The following SESN1 variants were observed in gnomAD, a reference collection of about 807,000 sequenced individuals.
SESN1 encodes sestrin-1.
SESN1 carries 30 observed loss-of-function variants against 59.3 expected under a neutral mutation model. That is an observed-to-expected ratio of 0.51 (90% CI 0.38 to 0.69). SESN1 has a LOEUF of 0.69. Among genes scored for constraint, SESN1 ranks in the 30% least tolerant of loss-of-function variants. The pLI, the probability that SESN1 is intolerant of heterozygous loss-of-function variation, is 0.00. For synonymous variants in SESN1, 197 were observed against 219.9 expected, an observed-to-expected ratio of 0.90 and a Z score of 0.92; for missense variants, 566 against 673.0, an observed-to-expected ratio of 0.84 and a Z score of 1.76.
chr6:108,988,700 A>G lies in SESN1; in HGVS notation c.1425-13T>C, dbSNP rs1338072565. ...ATAATCATCATATCTGTTGAAAGACATAATGAGAATTATGATATTTTCAGT... is the reference window on the plus strand; with the variant it reads ...ATAATCATCATATCTGTTGAAAGACGTAATGAGAATTATGATATTTTCAGT... On this transcript the variant is annotated splice_polypyrimidine_tract_variant and intron_variant, in intron 8 of 9. Transcript: ENST00000436639. The G allele has an allele frequency of 6.3e-7, 1 of 1,583,782 alleles. No homozygotes were observed. Among genetic ancestry groups the G allele is most frequent in the South Asian group, 1.2e-5 (1 of 86,832 alleles).
At chr6:109,021,405 A>G (rs1484556908) in intron 1 of SESN1, among the ~76,000 whole-genome samples, 2 of 152,166 alleles carry the variant, frequency 1.3e-5, no homozygotes, top group African/African-American at 4.8e-5. Flanking sequence ...GAGTAGGGGA[A>G]AAGTTTGGAG....
intron 1 of SESN1, among the ~76,000 whole-genome samples, chr6:109,056,683 A>G (rs1780637930): frequency 6.6e-6 from 1 of 152,220 alleles, no homozygotes; most frequent in Non-Finnish European, 1.5e-5. Context: ...AGATACAAAC[A>G]GAAGTCTGCT....
At chr6:109,053,449 G>C (rs1293759461) in intron 1 of SESN1, among the ~76,000 whole-genome samples, 1 of 152,174 alleles carries the variant, frequency 6.6e-6, no homozygotes, top group Non-Finnish European at 1.5e-5. Flanking sequence ...ATGGTGTGGG[G>C]GAGGGGAAGA....
chr6:109,083,784 T>C (rs1781163689), intron 1 of SESN1, among the ~76,000 whole-genome samples: 1 of 152,216 alleles, frequency 6.6e-6, no homozygotes, highest in African/African-American at 2.4e-5. Context: ...AACATATCAC[T>C]CTACCACTAT....
chr6:109,039,163 GAGAAGAAAGAAGA>G, intron 1 of SESN1, among the ~76,000 whole-genome samples: 1 of 151,782 alleles, frequency 6.6e-6, no homozygotes, highest in Middle Eastern at 3.4e-3. Flanking sequence ...GGAGGAGGAG[GAGAAGAAAGAAGA>G]AGAAGAAAGA....
intron 1 of SESN1, among the ~76,000 whole-genome samples, chr6:109,086,442 G>A (rs1415572513): frequency 6.6e-6 from 1 of 152,196 alleles, no homozygotes; most frequent in African/African-American, 2.4e-5. Context: ...TTAGCAGTTT[G>A]AATTATTAAT....
At chr6:109,093,100 T>G (rs192753860) in intron 1 of SESN1, among the ~76,000 whole-genome samples, 1 of 152,252 alleles carries the variant, frequency 6.6e-6, no homozygotes, top group African/African-American at 2.4e-5. Context: ...CAGGATAAAT[T>G]ATGAACGAAA....
At chr6:109,070,118 T>C (rs893603985) in intron 1 of SESN1, among the ~76,000 whole-genome samples, 2 of 152,136 alleles carry the variant, frequency 1.3e-5, no homozygotes, top group African/African-American at 2.4e-5. Context: ...CAGATTCACA[T>C]TGAACAAAAT....
intron 4 of SESN1, among the ~76,000 whole-genome samples, chr6:108,999,488 C>G (rs1379029816): frequency 1.4e-4 from 21 of 152,144 alleles, no homozygotes; most frequent in Non-Finnish European, 1.5e-5. Context: ...CATCAATCTA[C>G]TTTTACTCTA....
intron 1 of SESN1, among the ~76,000 whole-genome samples, chr6:109,081,829 G>A (rs1044912833): frequency 2.0e-5 from 3 of 152,188 alleles, no homozygotes; most frequent in Non-Finnish European, 2.9e-5. Flanking sequence ...GTCTGATACA[G>A]AAAGCACTGT....
At chr6:109,077,723 C>T (rs1267615201) in intron 1 of SESN1, among the ~76,000 whole-genome samples, 2 of 152,114 alleles carry the variant, frequency 1.3e-5, no homozygotes, top group Admixed American at 6.6e-5. Flanking sequence ...GTTTCCTTGA[C>T]TAAATAAATC....
At chr6:109,008,697 G>T in intron 1 of SESN1, 2 of 817,918 alleles carry the variant, frequency 2.4e-6, no homozygotes, top group Non-Finnish European at 3.0e-6. Flanking sequence ...CTTTCAAATG[G>T]TTTCCTATTT....
intron 6 of SESN1, among the ~76,000 whole-genome samples, chr6:108,993,578 T>C (rs1583260028): frequency 6.6e-6 from 1 of 152,184 alleles, no homozygotes; most frequent in Non-Finnish European, 1.5e-5. Context: ...TCCCACTCTA[T>C]TATATTGTCA....
intron 1 of SESN1, among the ~76,000 whole-genome samples, chr6:109,004,096 A>G (rs1390252039): frequency 6.6e-6 from 1 of 152,222 alleles, no homozygotes; most frequent in Non-Finnish European, 1.5e-5. Context: ...ATTCAGAAAA[A>G]AAGTGAAGCT....
At chr6:109,008,369 G>C (rs1260228843) in intron 1 of SESN1, among the ~76,000 whole-genome samples, 1 of 152,176 alleles carries the variant, frequency 6.6e-6, no homozygotes, top group Non-Finnish European at 1.5e-5. Flanking sequence ...AAGCGATACT[G>C]TAAGAGATTT....
chr6:109,060,436 C>T (rs191061797), intron 1 of SESN1, among the ~76,000 whole-genome samples: 175 of 152,282 alleles, frequency 1.1e-3, no homozygotes, highest in African/African-American at 3.8e-3. Flanking sequence ...ACCTGCCAAG[C>T]CTTTTTTCCT....
chr6:109,017,349 A>G (rs956746881), intron 1 of SESN1, among the ~76,000 whole-genome samples: 5 of 152,082 alleles, frequency 3.3e-5, no homozygotes, highest in African/African-American at 1.2e-4. Flanking sequence ...GCAGTGGTGC[A>G]ATCTTGGCTC....
intron 1 of SESN1, among the ~76,000 whole-genome samples, chr6:109,073,019 GT>G (rs1191827509): frequency 6.7e-6 from 1 of 148,246 alleles, no homozygotes; most frequent in East Asian, 2.0e-4. Context: ...TTTTTTGTTT[GT>G]TTTTTTAGTT....
chr6:109,054,160 T>G (rs1211605112), intron 1 of SESN1, among the ~76,000 whole-genome samples: 2 of 152,164 alleles, frequency 1.3e-5, no homozygotes, highest in Admixed American at 1.3e-4. Flanking sequence ...TGCCGATTAT[T>G]CATACCAATG....
Sources: allele counts gnomAD v4.1 joint callset (sites outside exome capture counted in the v4.1 genomes callset), GRCh38; gene constraint gnomAD v4.1.1; transcripts MANE v1.5; gene names NCBI Gene and HGNC (gene_info 2026-07-23, HGNC 2026-07-21).